RICTOR: variants seen among roughly 807,000 people sequenced by gnomAD.
RICTOR encodes rapamycin-insensitive companion of mTOR.
A neutral mutation model predicts 214.9 loss-of-function variants in RICTOR; 49 were observed. The ratio of observed to expected loss-of-function variants is 0.23; its 90% confidence interval spans 0.18 to 0.29. The LOEUF (loss-of-function observed/expected upper bound fraction) is 0.29, where lower values mean the gene tolerates loss of function less well. Among genes scored for constraint, RICTOR ranks in the 10% least tolerant of loss-of-function variants. The pLI, the probability that RICTOR is intolerant of heterozygous loss-of-function variation, is 1.00. For missense variants in RICTOR, 1,625 were observed against 2,047.0 expected (o/e 0.79, Z 3.98); for synonymous variants, 717 against 711.3 (o/e 1.01, Z -0.13).
In RICTOR at chr5:38,991,068, G is replaced by A. The variant is rs1752739588; in HGVS notation, c.464C>T (p.Thr155Ile). ...ACTAGGAAACAAGGAAGCATTCACA[G>A]TAATCATCTGTAACAGAAGGAATCA... ...QALRLVRKMITVNASLFPSSV... is the reference protein window; with the variant it reads ...QALRLVRKMIIVNASLFPSSV... Residue 155 changes from threonine (T) to isoleucine (I), a missense_variant, in exon 7 of 38, where the codon ACT (threonine) becomes ATT (isoleucine). Around this residue, in one of 5 missense-constraint regions of RICTOR, gnomAD observed 258 missense variants for 393.7 expected, o/e 0.66. Transcript: ENST00000357387. The A allele has an allele frequency of 5.0e-6, 8 of 1,587,366 alleles. No individual in the cohort carries two copies. Among genetic ancestry groups the A allele is most frequent in the Non-Finnish European group, 6.9e-6 (8 of 1,164,822 alleles).
chr5:38,994,185 A>T (rs575167647), intron 6 of RICTOR, among the ~76,000 whole-genome samples: 1 of 151,714 alleles, frequency 6.6e-6, no homozygotes, highest in Non-Finnish European at 1.5e-5. Flanking sequence ...GCGAGACTCC[A>T]TCTCAAAAAA....
intron 30 of RICTOR, among the ~76,000 whole-genome samples, chr5:38,950,995 T>A (rs538925136): frequency 2.6e-5 from 4 of 151,862 alleles, no homozygotes; most frequent in African/African-American, 9.7e-5. Flanking sequence ...TTACATGAAG[T>A]TTCTTTTGAT....
At chr5:39,000,235 G>C (rs943908937) in intron 5 of RICTOR, among the ~76,000 whole-genome samples, 1 of 151,304 alleles carries the variant, frequency 6.6e-6, no homozygotes, top group African/African-American at 2.4e-5. Flanking sequence ...TAATCATGTA[G>C]GACAAAAAAA....
At chr5:39,010,029 G>T (rs1167753684) in intron 3 of RICTOR, among the ~76,000 whole-genome samples, 1 of 152,074 alleles carries the variant, frequency 6.6e-6, no homozygotes, top group Non-Finnish European at 1.5e-5. Context: ...ATCTCACCTT[G>T]AATTCTAATA....
chr5:39,065,744 G>A (rs1375827251), intron 2 of RICTOR, among the ~76,000 whole-genome samples: 1 of 152,244 alleles, frequency 6.6e-6, no homozygotes, highest in African/African-American at 2.4e-5. Flanking sequence ...ACCCAGCAGG[G>A]CAGTCATTAA....
intron 9 of RICTOR, among the ~76,000 whole-genome samples, chr5:38,978,109 C>T (rs1433343368): frequency 1.8e-4 from 28 of 151,986 alleles, no homozygotes; most frequent in Admixed American, 1.8e-3. Context: ...TGAACATGTG[C>T]CTTTCTCTCC....
At chr5:39,036,661 G>T (rs2150160230) in intron 2 of RICTOR, among the ~76,000 whole-genome samples, 1 of 152,238 alleles carries the variant, frequency 6.6e-6, no homozygotes, top group East Asian at 1.9e-4. Flanking sequence ...GGCAGGGGTT[G>T]CAATCCTAGT....
At chr5:38,981,619 G>T (rs1751720520) in intron 8 of RICTOR, 1 of 338,752 alleles carries the variant, frequency 3.0e-6, no homozygotes, top group East Asian at 5.1e-5. Flanking sequence ...ACTCTAATTT[G>T]GTTCATAAAC....
intron 2 of RICTOR, among the ~76,000 whole-genome samples, chr5:39,025,323 G>A (rs1755729820): frequency 1.3e-5 from 2 of 152,272 alleles, no homozygotes; most frequent in Middle Eastern, 6.8e-3. Context: ...ACAGGTTAAA[G>A]TTTCCCTGGT....
At chr5:38,953,263 A>G (rs890593102) in intron 28 of RICTOR, among the ~76,000 whole-genome samples, 172 bp from the exon 29 acceptor site, 7 of 151,998 alleles carry the variant, frequency 4.6e-5, no homozygotes, top group Admixed American at 1.3e-4. Flanking sequence ...GCAACAAAAC[A>G]AAAGTCATGA....
chr5:39,030,616 T>G lies in RICTOR; in HGVS notation c.98-9480A>C, dbSNP rs139527771. On this transcript the variant is annotated intron_variant, in intron 2 of 37. Transcript: ENST00000357387. ...AAAACAGGTGAACAGTTATATAACA[T>G]GAACCAAGATTCTATGAAGAGTTTT... is the stretch of plus-strand genomic sequence containing the variant. Among the ~76,000 whole-genome samples, 184 of 152,296 alleles carry G rather than the reference T, an allele frequency of 1.2e-3. 1 individual carries two copies. Among genetic ancestry groups the G allele is most frequent in the African/African-American group, 3.7e-3 (153 of 41,586 alleles).
intron 24 of RICTOR, among the ~76,000 whole-genome samples, chr5:38,957,965 C>T (rs1048394750): frequency 6.6e-6 from 1 of 152,108 alleles, no homozygotes; most frequent in East Asian, 1.9e-4. Context: ...CAGCCAGGCA[C>T]GGGGGCTCAC....
At chr5:39,028,213 C>T (rs1303482224) in intron 2 of RICTOR, among the ~76,000 whole-genome samples, 3 of 115,520 alleles carry the variant, frequency 2.6e-5, no homozygotes, top group Admixed American at 1.2e-4. Context: ...GACGGAGTCT[C>T]GCTCTGTCGC....
At chr5:38,943,649 C>T (rs183938727) in intron 36 of RICTOR, among the ~76,000 whole-genome samples, 21 of 152,144 alleles carry the variant, frequency 1.4e-4, no homozygotes, top group African/African-American at 4.8e-4. Flanking sequence ...TCTGTTTCTA[C>T]TAAAAATACA....
intron 2 of RICTOR, among the ~76,000 whole-genome samples, chr5:39,024,121 T>C (rs994391709): frequency 5.9e-5 from 9 of 152,150 alleles, no homozygotes; most frequent in African/African-American, 2.2e-4. Context: ...CAGTTCACAA[T>C]AGGGTTTGTG....
intron 3 of RICTOR, among the ~76,000 whole-genome samples, chr5:39,015,694 ACAACT>A (rs759133037): frequency 3.9e-5 from 6 of 152,110 alleles, no homozygotes; most frequent in Non-Finnish European, 7.4e-5. Flanking sequence ...TTACCAACTG[ACAACT>A]CAAACTATTA....
chr5:39,017,169 G>A (rs1755024534), intron 3 of RICTOR, among the ~76,000 whole-genome samples: 1 of 152,066 alleles, frequency 6.6e-6, no homozygotes, highest in Non-Finnish European at 1.5e-5. Context: ...TCAGAATCCT[G>A]TTGGCAAGAG....
intron 3 of RICTOR, among the ~76,000 whole-genome samples, chr5:39,017,545 TAA>T (rs534243159): frequency 2.0e-5 from 3 of 146,874 alleles, no homozygotes; most frequent in African/African-American, 5.0e-5. Flanking sequence ...AGCTGTTTTT[TAA>T]AAAAAAAAAC....
chr5:38,967,295 C>G (rs200399176), intron 13 of RICTOR, 42 bp downstream of exon 13: 1 of 1,596,374 alleles, frequency 6.3e-7, no homozygotes, highest in Non-Finnish European at 8.6e-7. Flanking sequence ...CATAAAAACC[C>G]GAATTCTAAT....
Sources: gnomAD v4.1 joint callset for allele counts (sites outside exome capture counted in the v4.1 genomes callset) on GRCh38, gnomAD v4.1.1 for gene constraint, gnomAD v4.1.1 regional missense constraint, MANE v1.5 for transcripts, NCBI Gene and HGNC (gene_info 2026-07-23, HGNC 2026-07-21) for gene names.